The following PTPN14 variants were observed in gnomAD, a reference collection of about 807,000 sequenced individuals.
PTPN14 encodes tyrosine-protein phosphatase non-receptor type 14.
Under a neutral mutation model 126.8 loss-of-function variants are expected in PTPN14, and 53 were observed. The ratio of observed to expected loss-of-function variants is 0.42; its 90% CI spans 0.34 to 0.53. The LOEUF (loss-of-function observed/expected upper bound fraction) is 0.53. Among genes scored for constraint, PTPN14 ranks in the 20% least tolerant of loss-of-function variants. PTPN14 has a pLI of 0.08. For missense variants in PTPN14, 1,257 were observed against 1,552.9 expected (o/e 0.81, Z 3.20); for synonymous variants, 630 against 599.3 (o/e 1.05, Z -0.75).
chr1:214,376,288 C>T lies in PTPN14; in HGVS notation c.2838G>A (p.Glu946=). The part of the protein sequence containing the change: ...RSRIREVVPY[E]ENRVELIPTK... ...TTGGTATCAGCTCTACTCGATTCTCCTCATAGGGGACAACTTCACGGATTC... is the reference window on the plus strand; with the variant it reads ...TTGGTATCAGCTCTACTCGATTCTCTTCATAGGGGACAACTTCACGGATTC... Residue 946 remains glutamate, a synonymous_variant, in exon 15 of 19, where the codon GAG becomes GAA. Transcript: ENST00000366956. The T allele has an allele frequency of 6.2e-7, 1 of 1,614,166 alleles. No homozygotes were observed. The highest frequency in any genetic ancestry group is 1.1e-5 in the South Asian group (1 of 91,086).
rs375914561 is a variant in PTPN14 at position 214,369,686 on chromosome 1, A to G, written c.3042T>C (p.Gly1014=). The G allele has an allele frequency of 2.4e-5, 38 of 1,613,966 alleles. No individual in the cohort carries two copies. The highest frequency in any genetic ancestry group is 3.1e-5 in the Non-Finnish European group (36 of 1,179,970). ...VIAMVTAEEE[G]GRTKSHRYWP... is the part of the protein sequence containing the mutation. ...AGTATCGGTGGCTTTTGGTTCGTCC[A>G]CCCTCCTAAATCACATATAAAAGCA... is the stretch of plus-strand genomic sequence containing the variant. Residue 1014 remains glycine (G), a synonymous_variant, in exon 17 of 19, where the codon GGT becomes GGC. Coordinates refer to ENST00000366956, the MANE Select transcript of PTPN14 (RefSeq NM_005401.5).
intron 3 of PTPN14, among the ~76,000 whole-genome samples, chr1:214,421,340 A>C (rs1426953626): frequency 6.6e-6 from 1 of 152,252 alleles, no homozygotes; most frequent in Non-Finnish European, 1.5e-5. Flanking sequence ...AAATGTCCAG[A>C]ATAGGCAAAT....
At chr1:214,530,766 TACG>T (rs918530236) in intron 1 of PTPN14, 2 of 149,190 alleles carry the variant, frequency 1.3e-5, no homozygotes, top group African/African-American at 2.5e-5. Context: ...CGAAAATATT[TACG>T]ACGAGTACGA....
At chr1:214,535,312 C>T (rs1315296070) in intron 1 of PTPN14, among the ~76,000 whole-genome samples, 4 of 152,156 alleles carry the variant, frequency 2.6e-5, no homozygotes, top group Admixed American at 2.0e-4. Flanking sequence ...CTATCCAACA[C>T]GCTTTGTCTG....
intron 1 of PTPN14, among the ~76,000 whole-genome samples, chr1:214,523,847 A>AT (rs1409694203): frequency 1.6e-5 from 2 of 128,270 alleles, no homozygotes; most frequent in Admixed American, 7.6e-5. Context: ...GAGTAATCAG[A>AT]TTCTTTTTTT....
In PTPN14 at chr1:214,403,581, C is replaced by T. The variant is rs551551043; in HGVS notation, c.511-628G>A. 3.9e-5 allele frequency among the ~76,000 whole-genome samples: 6 copies of T among 152,324 alleles called. No homozygotes were observed. The South Asian group carries it at 1.0e-3, about 26-fold the overall frequency. On this transcript the variant is annotated intron_variant, in intron 5 of 18. Transcript: ENST00000366956. ...CCTGGAACCTGTGATGTGCTGACTA[C>T]TATGGGCTCAGAAGAACTGATTACA... is the stretch of plus-strand genomic sequence containing the variant.
chr1:214,367,197 A>C (rs1310941895), intron 17 of PTPN14, among the ~76,000 whole-genome samples: 1 of 152,184 alleles, frequency 6.6e-6, no homozygotes. Flanking sequence ...TGATCAGGTG[A>C]AAGAAATACA....
chr1:214,435,879 A>C (rs1288500357), intron 3 of PTPN14, among the ~76,000 whole-genome samples: 2 of 152,204 alleles, frequency 1.3e-5, no homozygotes, highest in African/African-American at 4.8e-5. Context: ...TCGACCCAGC[A>C]ATCTCATTAT....
In PTPN14 at chr1:214,464,876, G is replaced by A. The variant is rs1558115019; in HGVS notation, c.-73C>T. On this transcript the variant is annotated 5_prime_UTR_variant, in exon 2 of 19. Coordinates refer to ENST00000366956, the MANE Select transcript of PTPN14 (RefSeq NM_005401.5). ...CCTGAGATGGCCTTAGCAGTTTCGTGACTGGAAAATTACACTATCACCTGT... is the reference window on the plus strand; with the variant it reads ...CCTGAGATGGCCTTAGCAGTTTCGTAACTGGAAAATTACACTATCACCTGT... 3 of 1,561,480 alleles carry A rather than the reference G, an allele frequency of 1.9e-6. No homozygotes were observed. Among genetic ancestry groups the A allele is most frequent in the Non-Finnish European group, 1.7e-6 (2 of 1,145,594 alleles).
At chr1:214,390,449 T>A (rs1658722388) in intron 11 of PTPN14, among the ~76,000 whole-genome samples, 2 of 152,186 alleles carry the variant, frequency 1.3e-5, no homozygotes, top group Admixed American at 1.3e-4. Context: ...AAGCCTAAAA[T>A]TATGGAAGTG....
intron 1 of PTPN14, among the ~76,000 whole-genome samples, chr1:214,517,037 A>G (rs1655120612): frequency 6.6e-6 from 1 of 152,066 alleles, no homozygotes; most frequent in African/African-American, 2.4e-5. Context: ...AATATGTCCT[A>G]TCCAACCTTC....
intron 1 of PTPN14, among the ~76,000 whole-genome samples, chr1:214,499,759 T>C (rs1355844986): frequency 6.6e-6 from 1 of 151,758 alleles, no homozygotes; most frequent in African/African-American, 2.4e-5. Flanking sequence ...GTTATATTAT[T>C]TCTAATTTAA....
At chr1:214,366,306 G>T (rs1361082075) in intron 17 of PTPN14, among the ~76,000 whole-genome samples, 1 of 152,200 alleles carries the variant, frequency 6.6e-6, no homozygotes, top group Non-Finnish European at 1.5e-5. Flanking sequence ...AGGGGGAAAA[G>T]ACATTAGGCA....
intron 11 of PTPN14, 79 bp from the exon 12 acceptor site, chr1:214,387,001 G>A (rs1417513164): frequency 2.1e-5 from 28 of 1,326,334 alleles, no homozygotes; most frequent in African/African-American, 1.3e-4. Context: ...CCAGGCACAC[G>A]GCAGTCCCGC....
rs190477734 is a variant in PTPN14, at chr1:214,370,096, T to C, written c.3037-405A>G. The stretch of plus-strand genomic sequence containing the variant: ...GAGATCGAGACCATCCTGGCTAACA[T>C]GGTGAAACCCCATCTCTACTAAAAA... On this transcript the variant is annotated intron_variant, in intron 16 of 18. Transcript: ENST00000366956. Among the ~76,000 whole-genome samples the C allele has an allele frequency of 7.9e-5, 12 of 152,196 alleles. No homozygotes were observed. In the East Asian group the frequency reaches 1.7e-3, roughly 22 times the overall value.
intron 1 of PTPN14, among the ~76,000 whole-genome samples, chr1:214,506,036 C>T (rs1254479842): frequency 6.6e-6 from 1 of 152,200 alleles, no homozygotes; most frequent in East Asian, 1.9e-4. Context: ...CGTAACCATG[C>T]ATCCACTGCT....
In PTPN14 at chr1:214,385,475, A is replaced by AGATTTCTACAATCAGGCCCAACCTGATT. The variant is rs1408105250; in HGVS notation, c.1067-715_1067-688dup. Among the ~76,000 whole-genome samples, 72 of 147,382 alleles carry AGATTTCTACAATCAGGCCCAACCTGATT rather than the reference A, an allele frequency of 4.9e-4. 4 individuals are homozygous for AGATTTCTACAATCAGGCCCAACCTGATT. Among genetic ancestry groups the AGATTTCTACAATCAGGCCCAACCTGATT allele is most frequent in the African/African-American group, 1.7e-3 (65 of 38,240 alleles). The stretch of plus-strand genomic sequence containing the variant: ...AGAGGTACCTAAAGAGAGAAAAAGC[A>AGATTTCTACAATCAGGCCCAACCTGATT]GATTTCTACAATCAGGCCCAACCTG... On this transcript the variant is annotated intron_variant, in intron 12 of 18. Coordinates refer to ENST00000366956, the MANE Select transcript of PTPN14 (RefSeq NM_005401.5).
intron 3 of PTPN14, among the ~76,000 whole-genome samples, chr1:214,447,018 G>A (rs1260510549): frequency 1.3e-5 from 2 of 152,246 alleles, no homozygotes; most frequent in Non-Finnish European, 2.9e-5. Context: ...ACTCTGCAGG[G>A]CATCACAAAG....
intron 15 of PTPN14, among the ~76,000 whole-genome samples, chr1:214,375,494 T>C (rs1487042298): frequency 1.3e-5 from 2 of 152,240 alleles, no homozygotes; most frequent in Non-Finnish European, 2.9e-5. Flanking sequence ...TAAGTGTCCC[T>C]CTGTTAACAG....
Sources: allele counts gnomAD v4.1 joint callset (sites outside exome capture counted in the v4.1 genomes callset), GRCh38; gene constraint gnomAD v4.1.1; transcripts MANE v1.5; gene names NCBI Gene and HGNC (gene_info 2026-07-23, HGNC 2026-07-21).